CORO2B: variants seen among roughly 807,000 people sequenced by gnomAD.
The protein encoded by CORO2B is coronin 2B, also known as coronin-2B.
A neutral mutation model predicts 58.8 loss-of-function variants in CORO2B; 26 were observed. That is an observed-to-expected ratio of 0.44 (90% CI 0.32 to 0.61). CORO2B has a LOEUF of 0.61. CORO2B is among the 20% of genes least tolerant of loss of function. CORO2B has a pLI of 0.04. For synonymous variants in CORO2B, 242 were observed against 253.8 expected, an observed-to-expected ratio of 0.95 and a Z score of 0.44; for missense variants, 460 against 645.1, an observed-to-expected ratio of 0.71 and a Z score of 3.11.
intron 2 of CORO2B, among the ~76,000 whole-genome samples, chr15:68,671,647 C>T (rs1246911554): frequency 3.9e-5 from 6 of 152,214 alleles, no homozygotes; most frequent in Non-Finnish European, 5.9e-5. Context: ...ATTCTTGCAG[C>T]TATTGGCAGG....
intron 2 of CORO2B, among the ~76,000 whole-genome samples, chr15:68,650,329 C>T (rs1901593077): frequency 8.0e-6 from 1 of 125,198 alleles, no homozygotes; most frequent in Non-Finnish European, 1.6e-5. Context: ...TGCTCTCCAG[C>T]CTGGGCAACA....
intron 2 of CORO2B, among the ~76,000 whole-genome samples, chr15:68,647,600 A>C (rs1038848916): frequency 4.0e-5 from 6 of 151,614 alleles, no homozygotes; most frequent in Non-Finnish European, 7.4e-5. Flanking sequence ...GAGGCAGGGG[A>C]ATCGCTTGAA....
intron 1 of CORO2B, among the ~76,000 whole-genome samples, chr15:68,640,166 G>A (rs1901164488): frequency 6.6e-6 from 1 of 152,192 alleles, no homozygotes; most frequent in Non-Finnish European, 1.5e-5. Context: ...CCCACAGTGT[G>A]TACTCGTGCC....
intron 5 of CORO2B, among the ~76,000 whole-genome samples, chr15:68,712,484 T>G (rs1192843520): frequency 6.6e-6 from 1 of 152,188 alleles, no homozygotes; most frequent in Non-Finnish European, 1.5e-5. Context: ...ATTTCAGATT[T>G]TGGATTTGGG....
chr15:68,608,688 A>G (rs1192885336), intron 1 of CORO2B, among the ~76,000 whole-genome samples: 6 of 152,160 alleles, frequency 3.9e-5, no homozygotes, highest in Non-Finnish European at 8.8e-5. Context: ...CCCATGAACA[A>G]GCATTCCTGC....
At chr15:68,525,507 G>C in the CORO2B span, among the ~76,000 whole-genome samples, 1 of 152,178 alleles carries the variant, frequency 6.6e-6, no homozygotes, top group African/African-American at 2.4e-5. Flanking sequence ...TCTTGACAGA[G>C]CCTTTTGCAG....
At chr15:68,688,413 A>C (rs959838616) in intron 2 of CORO2B, among the ~76,000 whole-genome samples, 1 of 152,202 alleles carries the variant, frequency 6.6e-6, no homozygotes, top group Non-Finnish European at 1.5e-5. Flanking sequence ...CTTCTTGATC[A>C]CCAACATGAT....
chr15:68,575,659 A>C (rs1259673151), upstream of CORO2B, among the ~76,000 whole-genome samples: 2 of 144,028 alleles, frequency 1.4e-5, no homozygotes, highest in Non-Finnish European at 3.0e-5. Context: ...ATACTGGTGT[A>C]TTCACCTTTG....
chr15:68,589,130 C>A (rs888336107), intron 1 of CORO2B, among the ~76,000 whole-genome samples: 3 of 152,136 alleles, frequency 2.0e-5, no homozygotes, highest in African/African-American at 7.2e-5. Flanking sequence ...TTAAACTGAC[C>A]TTTTCAGGGT....
At chr15:68,602,056 G>A (rs990775914) in intron 1 of CORO2B, among the ~76,000 whole-genome samples, 1 of 151,304 alleles carries the variant, frequency 6.6e-6, no homozygotes, top group African/African-American at 2.4e-5. Flanking sequence ...ATTCACCAGG[G>A]AGGAGCCCTC....
chr15:68,564,729 G>C, the CORO2B span, among the ~76,000 whole-genome samples: 1 of 152,172 alleles, frequency 6.6e-6, no homozygotes, highest in South Asian at 2.1e-4. Context: ...TACTCAGTTT[G>C]GTTGCTCCTT....
intron 8 of CORO2B, among the ~76,000 whole-genome samples, chr15:68,718,219 G>A (rs1268764814): frequency 6.6e-6 from 1 of 152,200 alleles, no homozygotes; most frequent in Non-Finnish European, 1.5e-5. Flanking sequence ...CTTAGGCTGC[G>A]TCCAGACCTC....
intron 1 of CORO2B, among the ~76,000 whole-genome samples, chr15:68,583,129 G>T (rs1414536000): frequency 6.6e-6 from 1 of 152,148 alleles, no homozygotes; most frequent in East Asian, 1.9e-4. Flanking sequence ...CTCCAGCAGG[G>T]CACAGCCTGC....
At chr15:68,595,795 A>C (rs910397074) in intron 1 of CORO2B, among the ~76,000 whole-genome samples, 8 of 152,264 alleles carry the variant, frequency 5.3e-5, no homozygotes, top group Admixed American at 3.3e-4. Flanking sequence ...CCTGGGAGGC[A>C]GACGGGCAAA....
chr15:68,714,481 T>C, intron 6 of CORO2B, 78 bp from the exon 7 acceptor site: 1 of 1,109,466 alleles, frequency 9.0e-7, no homozygotes, highest in Non-Finnish European at 1.4e-6. Context: ...GTTGCCATCC[T>C]AAGAGGCCTT....
chr15:68,646,287 G>C (rs1473993989), intron 2 of CORO2B, among the ~76,000 whole-genome samples: 4 of 152,198 alleles, frequency 2.6e-5, no homozygotes, highest in Non-Finnish European at 5.9e-5. Context: ...CGCGCTTCAG[G>C]GAAAGTGCTT....
At chr15:68,679,139 T>G (rs1902687116) in intron 2 of CORO2B, among the ~76,000 whole-genome samples, 1 of 152,216 alleles carries the variant, frequency 6.6e-6, no homozygotes, top group African/African-American at 2.4e-5. Flanking sequence ...GATACAGTAG[T>G]GACTAAAACA....
the CORO2B span, among the ~76,000 whole-genome samples, chr15:68,536,957 G>A: frequency 6.6e-6 from 1 of 152,190 alleles, no homozygotes; most frequent in African/African-American, 2.4e-5. Flanking sequence ...GAATGGTGGT[G>A]TATCGAGATT....
intron 1 of CORO2B, among the ~76,000 whole-genome samples, chr15:68,608,445 C>T (rs1900174805): frequency 6.6e-6 from 1 of 152,198 alleles, no homozygotes; most frequent in Non-Finnish European, 1.5e-5. Flanking sequence ...CCAAGCTGAC[C>T]CACTGACTGG....
Sources: gnomAD v4.1 joint callset for allele counts (sites outside exome capture counted in the v4.1 genomes callset) on GRCh38, gnomAD v4.1.1 for gene constraint, MANE v1.5 for transcripts, NCBI Gene and HGNC (gene_info 2026-07-23, HGNC 2026-07-21) for gene names.